The following GPHN variants were observed in gnomAD, a reference collection of about 807,000 sequenced individuals.
The protein encoded by GPHN is gephyrin.
A neutral mutation model predicts 95.5 loss-of-function variants in GPHN; 17 were observed. That is an observed-to-expected ratio of 0.18 (90% confidence interval 0.12 to 0.27). The LOEUF (loss-of-function observed/expected upper bound fraction) is 0.27. GPHN is among the 10% of genes least tolerant of loss of function. The pLI is 1.00. For synonymous variants in GPHN, 320 were observed against 322.5 expected (o/e 0.99, Z 0.08); for missense variants, 660 against 978.1 (o/e 0.67, Z 4.34).
intron 21 of GPHN, 158 bp downstream of exon 21, chr14:67,169,194 A>G (rs1342331579): frequency 4.6e-6 from 3 of 652,738 alleles, no homozygotes; most frequent in Admixed American, 2.4e-5. Flanking sequence ...TGTAGGAGAA[A>G]GGGTCCCTTT....
chr14:67,560,035 T>G, the GPHN span, among the ~76,000 whole-genome samples: 1 of 152,168 alleles, frequency 6.6e-6, no homozygotes, highest in Non-Finnish European at 1.5e-5. Context: ...ATTTATTTAT[T>G]TATTTATTGG....
At chr14:67,536,926 G>A in the GPHN span, among the ~76,000 whole-genome samples, 42,654 of 151,160 alleles carry the variant, frequency 0.28, 6,329 homozygotes, top group Non-Finnish European at 0.3. Context: ...TGTAATCCCC[G>A]CTACTCAGGA....
intron 1 of GPHN, among the ~76,000 whole-genome samples, chr14:66,546,484 G>A (rs921319613): frequency 6.6e-6 from 1 of 152,140 alleles, no homozygotes; most frequent in African/African-American, 2.4e-5. Context: ...GGGCAACATC[G>A]AGCACTGAGT....
intron 3 of GPHN, among the ~76,000 whole-genome samples, chr14:66,806,301 A>T (rs2060539301): frequency 6.6e-6 from 1 of 152,112 alleles, no homozygotes; most frequent in Admixed American, 6.5e-5. Context: ...TTTTCCTCTT[A>T]GTCCTCCAGA....
At chr14:67,411,158 A>AAAT in the GPHN span, among the ~76,000 whole-genome samples, 4 of 149,620 alleles carry the variant, frequency 2.7e-5, no homozygotes, top group African/African-American at 9.8e-5. Flanking sequence ...AAAAAAAAAA[A>AAAT]GGTCAAATCA....
At chr14:67,464,207 A>C in the GPHN span, among the ~76,000 whole-genome samples, 9 of 152,118 alleles carry the variant, frequency 5.9e-5, no homozygotes, top group Non-Finnish European at 8.8e-5. Flanking sequence ...GCCAAAACAA[A>C]ACAGATCCAT....
At chr14:66,869,879 T>C (rs1478504135) in intron 4 of GPHN, among the ~76,000 whole-genome samples, 1 of 152,192 alleles carries the variant, frequency 6.6e-6, no homozygotes, top group Non-Finnish European at 1.5e-5. Flanking sequence ...TTATTCTAAT[T>C]CACATAGCAA....
chr14:67,134,661 C>G (rs113150214), intron 17 of GPHN, among the ~76,000 whole-genome samples: 1 of 152,146 alleles, frequency 6.6e-6, no homozygotes, highest in Non-Finnish European at 1.5e-5. Context: ...GAGTTGTATA[C>G]TGCTGCATCA....
At chr14:67,733,533 GT>G in the GPHN span, among the ~76,000 whole-genome samples, 6 of 152,210 alleles carry the variant, frequency 3.9e-5, no homozygotes, top group East Asian at 9.6e-4. Context: ...ACTAGATCTT[GT>G]TATAGAATAT....
the GPHN span, among the ~76,000 whole-genome samples, chr14:67,547,655 G>A: frequency 1.3e-5 from 2 of 152,178 alleles, no homozygotes; most frequent in East Asian, 3.9e-4. Context: ...GGTGAGCAAA[G>A]CCTGGGTGCT....
intron 10 of GPHN, among the ~76,000 whole-genome samples, chr14:67,057,946 A>G (rs895137147): frequency 2.0e-5 from 3 of 152,168 alleles, no homozygotes; most frequent in Non-Finnish European, 4.4e-5. Context: ...AAAAAGTAGA[A>G]TTTTCTTCTC....
the GPHN span, among the ~76,000 whole-genome samples, chr14:67,503,114 T>A: frequency 3.3e-5 from 5 of 152,128 alleles, no homozygotes; most frequent in African/African-American, 1.2e-4. Context: ...GAGATCAGGA[T>A]CTGTGTTTGC....
At chr14:67,609,240 C>G in the GPHN span, among the ~76,000 whole-genome samples, 1 of 152,098 alleles carries the variant, frequency 6.6e-6, no homozygotes, top group African/African-American at 2.4e-5. Context: ...GCCACTTGCT[C>G]ATAAAGGCTC....
At chr14:67,111,267 C>G (rs2078355259) in intron 14 of GPHN, among the ~76,000 whole-genome samples, 1 of 152,202 alleles carries the variant, frequency 6.6e-6, no homozygotes, top group Middle Eastern at 3.2e-3. Flanking sequence ...CAGCAAAGCA[C>G]TGAATTCCAG....
At chr14:66,898,466 TAAAAAAAAA>T (rs59434196) in intron 5 of GPHN, among the ~76,000 whole-genome samples, 5 of 91,766 alleles carry the variant, frequency 5.4e-5, no homozygotes, top group South Asian at 4.8e-4. Flanking sequence ...GCTACTTGTT[TAAAAAAAAA>T]AAAAAAAAAA....
chr14:66,995,000 C>T (rs1200783256), intron 9 of GPHN, among the ~76,000 whole-genome samples: 1 of 152,158 alleles, frequency 6.6e-6, no homozygotes, highest in African/African-American at 2.4e-5. Context: ...ACTGGAAATA[C>T]AGTTAAAGAA....
rs11623598 is a variant in GPHN, at chr14:67,181,364, C to T, written c.*427C>T. ...CCCTTCTTAGTATGCTTCATAACTG[C>T]TTTACAGAGAGCTTTTGCTTGTTCT... On this transcript the variant is annotated 3_prime_UTR_variant, in exon 23 of 23. Transcript: ENST00000478722. 7,796 of 453,218 alleles carry T rather than the reference C, an allele frequency of 0.017. 113 individuals are homozygous for T. The highest frequency in any genetic ancestry group is 0.021 in the Non-Finnish European group (5,002 of 238,552). The allele number at this position is 453,218 out of a possible 1,614,324, so 28.1% of individuals were successfully genotyped here.
At chr14:66,672,251 A>T (rs544672719) in intron 1 of GPHN, among the ~76,000 whole-genome samples, 2 of 152,104 alleles carry the variant, frequency 1.3e-5, no homozygotes, top group East Asian at 3.9e-4. Flanking sequence ...TACTTCTTTT[A>T]TTCTCCTGTT....
intron 1 of GPHN, among the ~76,000 whole-genome samples, chr14:66,677,176 T>C (rs894491964): frequency 6.6e-6 from 1 of 152,114 alleles, no homozygotes; most frequent in African/African-American, 2.4e-5. Flanking sequence ...GTCTTCCTTT[T>C]TTCTTGATTA....
Sources: allele counts gnomAD v4.1 joint callset (sites outside exome capture counted in the v4.1 genomes callset), GRCh38; gene constraint gnomAD v4.1.1; transcripts MANE v1.5; gene names NCBI Gene and HGNC (gene_info 2026-07-23, HGNC 2026-07-21).